ALDH18A1: variants seen among roughly 807,000 people sequenced by gnomAD.
ALDH18A1 encodes delta-1-pyrroline-5-carboxylate synthase.
A neutral mutation model predicts 88.8 loss-of-function variants in ALDH18A1; 44 were observed. That is an observed-to-expected ratio of 0.50 (90% CI 0.39 to 0.64). The LOEUF (loss-of-function observed/expected upper bound fraction) is 0.64. ALDH18A1 is among the 30% of genes least tolerant of loss of function. ALDH18A1 has a pLI of 0.00. For synonymous variants in ALDH18A1, 331 were observed against 372.1 expected (o/e 0.89, Z 1.27); for missense variants, 782 against 1,009.5 (o/e 0.77, Z 3.05).
intron 3 of ALDH18A1, among the ~76,000 whole-genome samples, chr10:95,642,711 G>A (rs1289361694): frequency 3.9e-5 from 6 of 151,950 alleles, no homozygotes; most frequent in Non-Finnish European, 5.9e-5. Flanking sequence ...CTACTGCGTA[G>A]TCAGAACTAA....
intron 11 of ALDH18A1, among the ~76,000 whole-genome samples, chr10:95,623,712 T>C (rs976756375): frequency 1.3e-5 from 2 of 152,182 alleles, no homozygotes; most frequent in African/African-American, 4.8e-5. Context: ...ATTACAGGCA[T>C]GCGCCACCAA....
At chr10:95,609,086 G>A (rs1323717020) in intron 17 of ALDH18A1, among the ~76,000 whole-genome samples, 2 of 152,118 alleles carry the variant, frequency 1.3e-5, no homozygotes, top group Non-Finnish European at 2.9e-5. Flanking sequence ...TGTTGGTCAC[G>A]CTGATCTCCA....
chr10:95,617,461 C>T (rs1021544663), intron 12 of ALDH18A1, among the ~76,000 whole-genome samples: 2 of 152,204 alleles, frequency 1.3e-5, no homozygotes, highest in African/African-American at 4.8e-5. Flanking sequence ...CTGGAGAAGA[C>T]CAGAGCTCCT....
Position 95,638,000 on chromosome 10 carries a change from CA to C in ALDH18A1, c.304-565del, listed in dbSNP as rs1180237529. 2.6e-4 allele frequency among the ~76,000 whole-genome samples: 30 copies of C among 114,224 alleles called. No homozygotes were observed. The South Asian group carries it at 8.6e-3, about 33-fold the overall frequency. 74.9% of individuals were successfully genotyped at this position (114,224 alleles called of 152,430 possible). A position where few individuals can be genotyped will look rare whatever the true frequency, so the allele number is the denominator to read the frequency against. On this transcript the variant is annotated intron_variant, in intron 3 of 17. Transcript: ENST00000371224. ...ACAACAACAACAACAACAACAACAA[CA>C]ACAACAACACCCTAAGAAAAAAATT...
rs190086056 is a variant in ALDH18A1 at position 95,633,855 on chromosome 10, C to T, written c.559-206G>A. On this transcript the variant is annotated intron_variant, in intron 5 of 17. Coordinates refer to ENST00000371224, the MANE Select transcript of ALDH18A1 (RefSeq NM_002860.4). The stretch of plus-strand genomic sequence containing the variant: ...TTTTTGAGACAGGGTCTCATTCTGT[C>T]GCTCAGGCCGTAATGCAGTGGCATA... Among the ~76,000 whole-genome samples, 150 of 122,544 alleles carry T rather than the reference C, an allele frequency of 1.2e-3. 1 individual carries two copies. In the Middle Eastern group the frequency reaches 0.027, roughly 22 times the overall value. 80.4% of individuals were successfully genotyped at this position (122,544 alleles called of 152,430 possible).
At chr10:95,643,720 A>T (rs1361599107) in intron 2 of ALDH18A1, among the ~76,000 whole-genome samples, 5 of 152,216 alleles carry the variant, frequency 3.3e-5, no homozygotes, top group African/African-American at 1.2e-4. Context: ...TCTTGATAGG[A>T]TTATAAGCAA....
intron 5 of ALDH18A1, among the ~76,000 whole-genome samples, chr10:95,636,560 A>G (rs993589638): frequency 3.3e-5 from 5 of 152,216 alleles, no homozygotes; most frequent in African/African-American, 1.2e-4. Context: ...AGTATCCCCA[A>G]TGCCCAAGAC....
Position 95,614,303 on chromosome 10 carries a change from T to C in ALDH18A1, c.1606-142A>G, listed in dbSNP as rs1309806759. On this transcript the variant is annotated intron_variant, in intron 13 of 17. Transcript: ENST00000371224. ...GTGAAAACTTATTCTAAAAACAAAA[T>C]TAAGTTCCCGATCATGGGAATCAAA... is the stretch of plus-strand genomic sequence containing the variant. 9.7e-6 allele frequency: 9 copies of C among 924,506 alleles called. No individual in the cohort carries two copies. The Admixed American group carries it at 1.0e-4, about 10-fold the overall frequency. 57.3% of individuals were successfully genotyped at this position (924,506 alleles called of 1,614,324 possible).
chr10:95,620,879 T>C (rs1369321437), intron 12 of ALDH18A1, 152 bp downstream of exon 12: 9 of 725,236 alleles, frequency 1.2e-5, no homozygotes, highest in South Asian at 5.3e-5. Context: ...ATATGGCACA[T>C]GTATACCTAT....
At chr10:95,637,027 G>C in intron 5 of ALDH18A1, 66 bp downstream of exon 5, 2 of 1,429,068 alleles carry the variant, frequency 1.4e-6, no homozygotes, top group Non-Finnish European at 2.0e-6. Context: ...TCTGGCTCCA[G>C]ACCCCTTTGT....
intron 8 of ALDH18A1, 93 bp from the exon 9 acceptor site, chr10:95,627,679 T>C (rs2097862394): frequency 9.8e-6 from 14 of 1,424,154 alleles, no homozygotes; most frequent in Middle Eastern, 1.8e-4. Flanking sequence ...CAAGTTGATA[T>C]TGAACAACTT....
At chr10:95,631,742 CAAAAAAAA>C (rs71034341) in intron 7 of ALDH18A1, among the ~76,000 whole-genome samples, 6 of 76,480 alleles carry the variant, frequency 7.8e-5, no homozygotes, top group Non-Finnish European at 2.5e-5. Flanking sequence ...GGCTCTGCCT[CAAAAAAAA>C]AAAAAAAAAA....
Position 95,613,862 on chromosome 10 carries a change from G to A in ALDH18A1, c.1803C>T (p.Val601=). The change falls in exon 15 of 18, where the codon GTC becomes GTT. Residue 601 remains valine (V), a splice_region_variant and synonymous_variant. Coordinates refer to ENST00000371224, the MANE Select transcript of ALDH18A1 (RefSeq NM_002860.4). ...EASVDKVTRL[V]RDSKCEYPAA... ...CTGGATATTCACATTTAGAGTCTCTGACTGAAAGAAGATGAGCAAAGAATT... is the reference window on the plus strand; with the variant it reads ...CTGGATATTCACATTTAGAGTCTCTAACTGAAAGAAGATGAGCAAAGAATT... The A allele has an allele frequency of 6.2e-7, 1 of 1,614,142 alleles. No homozygotes were observed. Among genetic ancestry groups the A allele is most frequent in the Non-Finnish European group, 8.5e-7 (1 of 1,180,034 alleles).
At chr10:95,633,865 G>A (rs185114036) in intron 5 of ALDH18A1, among the ~76,000 whole-genome samples, 3 of 137,376 alleles carry the variant, frequency 2.2e-5, no homozygotes, top group East Asian at 2.1e-4. Flanking sequence ...CGCTCAGGCC[G>A]TAATGCAGTG....
rs1250411325 is a variant in ALDH18A1 at position 95,611,381 on chromosome 10, T to C, written c.1985A>G (p.Lys662Arg). Residue 662 changes from lysine to arginine, a missense_variant, in exon 16 of 18, where the codon AAG becomes AGG. Physicochemically the swap from Lys to Arg is conservative, Grantham distance 26. Around this residue, in one of 3 missense-constraint regions of ALDH18A1, gnomAD observed 556 missense variants for 654.5 expected, o/e 0.85. Coordinates refer to ENST00000371224, the MANE Select transcript of ALDH18A1 (RefSeq NM_002860.4). ...SYLTFSPSEV[K>R]SLRTEYGDLE... ...GTCCCCATACTCAGTTCGGAGTGAC[T>C]TCACTTCGGAGGGGCTGAAGGTCAG... 6.2e-7 allele frequency: 1 copy of C among 1,614,198 alleles called. No homozygotes were observed. The highest frequency in any genetic ancestry group is 8.5e-7 in the Non-Finnish European group (1 of 1,180,030).
intron 1 of ALDH18A1, among the ~76,000 whole-genome samples, chr10:95,654,148 A>G (rs974285092): frequency 6.6e-6 from 1 of 151,278 alleles, no homozygotes; most frequent in Non-Finnish European, 1.5e-5. Context: ...AGGGAGAACA[A>G]GCCATTCATT....
Position 95,611,449 on chromosome 10 carries a change from C to T in ALDH18A1, c.1924-7G>A. 1.2e-6 allele frequency: 2 copies of T among 1,614,024 alleles called. No homozygotes were observed. The highest frequency in any genetic ancestry group is 1.7e-6 in the Non-Finnish European group (2 of 1,179,884). ...GGCCTGCATGAATTTTTACCTGGAACAGAGGAAGTCCAGGGGCAACAACAT... is the reference window on the plus strand; with the variant it reads ...GGCCTGCATGAATTTTTACCTGGAATAGAGGAAGTCCAGGGGCAACAACAT... On this transcript the variant is annotated splice_polypyrimidine_tract_variant and splice_region_variant and intron_variant, in intron 15 of 17. Coordinates refer to ENST00000371224, the MANE Select transcript of ALDH18A1 (RefSeq NM_002860.4).
At chr10:95,608,327 G>C (rs1404555853) in intron 17 of ALDH18A1, among the ~76,000 whole-genome samples, 2 of 152,182 alleles carry the variant, frequency 1.3e-5, no homozygotes, top group Admixed American at 1.3e-4. Context: ...CAAGTGATGT[G>C]ATAATTACAT....
At chr10:95,624,852 A>C (rs776013476) in intron 11 of ALDH18A1, among the ~76,000 whole-genome samples, 2 of 152,216 alleles carry the variant, frequency 1.3e-5, no homozygotes, top group African/African-American at 2.4e-5. Context: ...TGTACAGTCC[A>C]TCTGTGTTTA....
Sources: gnomAD v4.1 joint callset for allele counts (sites outside exome capture counted in the v4.1 genomes callset) on GRCh38, gnomAD v4.1.1 for gene constraint, gnomAD v4.1.1 regional missense constraint, MANE v1.5 for transcripts, NCBI Gene and HGNC (gene_info 2026-07-23, HGNC 2026-07-21) for gene names.